Variants in GNG12 observed in about 807,000 individuals in gnomAD.
GNG12 encodes the protein G protein subunit gamma 12.
For missense variants in GNG12, 69 were observed against 83.8 expected, an observed-to-expected ratio of 0.82 and a Z score of 0.69; for synonymous variants, 28 against 29.7, an observed-to-expected ratio of 0.94 and a Z score of 0.19.
chr1:67,717,393 A>G (rs1646332189), intron 2 of GNG12, among the ~76,000 whole-genome samples: 3 of 151,880 alleles, frequency 2.0e-5, no homozygotes, highest in Non-Finnish European at 4.4e-5. Context: ...GTGCATGCCT[A>G]TAGTCCCAGC....
intron 2 of GNG12, among the ~76,000 whole-genome samples, chr1:67,766,422 C>T (rs1039020617): frequency 2.6e-5 from 4 of 151,964 alleles, no homozygotes; most frequent in Non-Finnish European, 5.9e-5. Context: ...CATTTCACTT[C>T]GGCTGATGAG....
intron 2 of GNG12, among the ~76,000 whole-genome samples, chr1:67,750,115 A>G (rs1646529802): frequency 6.6e-6 from 1 of 152,230 alleles, no homozygotes; most frequent in South Asian, 2.1e-4. Flanking sequence ...CAGAAAGAGG[A>G]AAAAAGCCTG....
chr1:67,817,984 A>G (rs1646963827), intron 1 of GNG12, among the ~76,000 whole-genome samples: 1 of 151,812 alleles, frequency 6.6e-6, no homozygotes, highest in South Asian at 2.1e-4. Context: ...ATAGGGTTTC[A>G]CTAGGTTGCC....
chr1:67,784,130 G>A (rs1174324336), intron 1 of GNG12, among the ~76,000 whole-genome samples: 3 of 150,462 alleles, frequency 2.0e-5, no homozygotes, highest in African/African-American at 7.3e-5. Flanking sequence ...GGAATACTAT[G>A]CAGCCATAAA....
chr1:67,809,728 C>A (rs1332167315), intron 1 of GNG12, among the ~76,000 whole-genome samples: 1 of 151,962 alleles, frequency 6.6e-6, no homozygotes, highest in Non-Finnish European at 1.5e-5. Flanking sequence ...CAACGAGATA[C>A]CACCACACAC....
At chr1:67,765,517 C>G (rs1646630724) in intron 2 of GNG12, among the ~76,000 whole-genome samples, 1 of 152,126 alleles carries the variant, frequency 6.6e-6, no homozygotes, top group Non-Finnish European at 1.5e-5. Context: ...TTAAAAGCAG[C>G]TGAATAATCA....
chr1:67,710,300 C>T (rs1420325888), intron 2 of GNG12, among the ~76,000 whole-genome samples: 2 of 144,590 alleles, frequency 1.4e-5, no homozygotes, highest in Non-Finnish European at 3.0e-5. Flanking sequence ...TTCCAACTGG[C>T]GCTGGTTCTG....
intron 2 of GNG12, among the ~76,000 whole-genome samples, chr1:67,725,920 C>G (rs147235164): frequency 1.3e-5 from 2 of 152,182 alleles, no homozygotes; most frequent in Non-Finnish European, 2.9e-5. Flanking sequence ...CAAAACATGA[C>G]GGAGCATCAC....
chr1:67,830,590 G>C (rs78049824), intron 1 of GNG12, among the ~76,000 whole-genome samples: 4 of 152,228 alleles, frequency 2.6e-5, no homozygotes, highest in East Asian at 1.9e-4. Context: ...TTCTTACCTA[G>C]GGCTAATAAA....
At chr1:67,706,314 CGATG>C (rs1402512504) in intron 3 of GNG12, among the ~76,000 whole-genome samples, 1 of 152,188 alleles carries the variant, frequency 6.6e-6, no homozygotes, top group Non-Finnish European at 1.5e-5. Context: ...AAGAACTGAA[CGATG>C]GGCTCGGAGC....
chr1:67,822,220 A>G (rs960999169), intron 1 of GNG12, among the ~76,000 whole-genome samples: 3 of 150,692 alleles, frequency 2.0e-5, no homozygotes, highest in African/African-American at 7.3e-5. Flanking sequence ...CATTAGTATT[A>G]GTGTATTTTA....
chr1:67,743,430 C>G (rs956696814), intron 2 of GNG12, among the ~76,000 whole-genome samples: 1 of 152,180 alleles, frequency 6.6e-6, no homozygotes, highest in African/African-American at 2.4e-5. Flanking sequence ...ATAAATGTCT[C>G]CATACAGCAA....
intron 1 of GNG12, among the ~76,000 whole-genome samples, chr1:67,804,983 T>C (rs532475916): frequency 1.3e-5 from 2 of 152,308 alleles, no homozygotes; most frequent in South Asian, 2.1e-4. Context: ...TTCTTCTTAA[T>C]ATGGACTGCC....
Position 67,833,353 on chromosome 1 carries a change from G to C in GNG12, c.-86C>G. On this transcript the variant is annotated 5_prime_UTR_variant, in exon 1 of 4. Transcript: ENST00000370982. ...GCCGCTTGGTACTCACCCGCCTGCCGGTGCGCTGCCCCGCCGTCGCCGCCG... is the reference window on the plus strand; with the variant it reads ...GCCGCTTGGTACTCACCCGCCTGCCCGTGCGCTGCCCCGCCGTCGCCGCCG... 1.0e-6 allele frequency: 1 copy of C among 983,644 alleles called. No homozygotes were observed. The highest frequency in any genetic ancestry group is 1.2e-6 in the Non-Finnish European group (1 of 828,186). The allele number at this position is 983,644 out of a possible 1,614,324, so 60.9% of individuals were successfully genotyped here.
Position 67,763,090 on chromosome 1 carries a change from GGA to G in GNG12, c.-27+14366_-27+14367del, listed in dbSNP as rs71064962. Among the ~76,000 whole-genome samples, 100 of 116,710 alleles carry G rather than the reference GGA, an allele frequency of 8.6e-4. 1 individual carries two copies. The highest frequency in any genetic ancestry group is 2.0e-3 in the African/African-American group (61 of 30,916). The allele number at this position is 116,710 out of a possible 152,430, so 76.6% of individuals were successfully genotyped here. A position where few individuals can be genotyped will look rare whatever the true frequency, so the allele number is the denominator to read the frequency against. On this transcript the variant is annotated intron_variant, in intron 2 of 3. Coordinates refer to ENST00000370982, the MANE Select transcript of GNG12 (RefSeq NM_018841.6). ...CTATATTTAACACCCTACCCTCCCAGGAGAGAGAGAGAGAGAGAGAGAGAGAG... is the reference window on the plus strand; with the variant it reads ...CTATATTTAACACCCTACCCTCCCAGGAGAGAGAGAGAGAGAGAGAGAGAG...
intron 1 of GNG12, among the ~76,000 whole-genome samples, chr1:67,821,771 C>CT (rs78355593): frequency 0.28 from 41,967 of 148,666 alleles, 5,940 homozygotes; most frequent in Middle Eastern, 0.47. Flanking sequence ...TAATCAGCAG[C>CT]TTTTTTTTTT....
At chr1:67,762,485 T>G (rs1646611276) in intron 2 of GNG12, among the ~76,000 whole-genome samples, 1 of 152,088 alleles carries the variant, frequency 6.6e-6, no homozygotes, top group Non-Finnish European at 1.5e-5. Context: ...TACAAGAAAT[T>G]ATTTTGAGGG....
intron 2 of GNG12, among the ~76,000 whole-genome samples, chr1:67,727,455 T>C (rs976210673): frequency 3.3e-5 from 5 of 152,224 alleles, no homozygotes; most frequent in Non-Finnish European, 7.3e-5. Flanking sequence ...TTTTGGTAGA[T>C]TGAATAAATA....
intron 1 of GNG12, among the ~76,000 whole-genome samples, chr1:67,818,917 G>C (rs980283303): frequency 5.3e-5 from 8 of 152,084 alleles, no homozygotes; most frequent in Admixed American, 1.3e-4. Flanking sequence ...AGCATCACGA[G>C]GCCTTGAACC....
Sources: allele counts gnomAD v4.1 joint callset (sites outside exome capture counted in the v4.1 genomes callset), GRCh38; gene constraint gnomAD v4.1.1; transcripts MANE v1.5; gene names NCBI Gene and HGNC (gene_info 2026-07-23, HGNC 2026-07-21).